TBCD: variants seen among roughly 807,000 people sequenced by gnomAD.
TBCD encodes the protein tubulin-specific chaperone D.
A neutral mutation model predicts 169.3 loss-of-function variants in TBCD; 105 were observed. That is an observed-to-expected ratio of 0.62 (90% confidence interval 0.53 to 0.73). The LOEUF is 0.73. Among genes scored for constraint, TBCD ranks in the 30% least tolerant of loss-of-function variants. The pLI is 0.00. For synonymous variants in TBCD, 700 were observed against 643.9 expected (o/e 1.09, Z -1.32); for missense variants, 1,444 against 1,600.1 (o/e 0.90, Z 1.66).
At chr17:82,753,743 G>C (rs1009117237) in intron 1 of TBCD, among the ~76,000 whole-genome samples, 1 of 151,660 alleles carries the variant, frequency 6.6e-6, no homozygotes, top group Admixed American at 6.6e-5. Flanking sequence ...GTGAGCCACT[G>C]CGCTCGGCCC....
Position 82,927,331 on chromosome 17 carries a change from C to T in TBCD, c.2609+8C>T, listed in dbSNP as rs773082692. ...AGGGGACGTGGGCACCTGGTACGTA[C>T]GTAGCAGTGGGTGAGCGCTTCTTCT... On this transcript the variant is annotated splice_region_variant and intron_variant, in intron 29 of 38. Transcript: ENST00000355528. 208 of 1,612,884 alleles carry T rather than the reference C, an allele frequency of 1.3e-4. No individual in the cohort carries two copies. The highest frequency in any genetic ancestry group is 6.8e-4 in the Middle Eastern group (4 of 5,924).
chr17:82,809,653 G>T, intron 11 of TBCD, 55 bp from the exon 12 acceptor site: 1 of 1,574,838 alleles, frequency 6.3e-7, no homozygotes, highest in Admixed American at 1.8e-5. Context: ...TGTCACGCAT[G>T]CCCTTGGCGA....
chr17:82,879,564 A>G (rs1413874409), intron 14 of TBCD, among the ~76,000 whole-genome samples: 2 of 152,130 alleles, frequency 1.3e-5, no homozygotes, highest in African/African-American at 4.8e-5. Context: ...GGATGCAGAC[A>G]AGTCTGCCGG....
intron 32 of TBCD, 91 bp downstream of exon 32, chr17:82,929,591 C>T (rs777565342): frequency 1.3e-6 from 2 of 1,529,650 alleles, no homozygotes; most frequent in African/African-American, 2.7e-5. Flanking sequence ...GGAGCTGGGC[C>T]TTTTCTTCCA....
intron 11 of TBCD, among the ~76,000 whole-genome samples, chr17:82,808,665 G>A (rs540253305): frequency 3.5e-5 from 5 of 144,682 alleles, no homozygotes; most frequent in African/African-American, 1.3e-4. Context: ...GGCAGGTGGA[G>A]GGGCTGGCAG....
intron 12 of TBCD, among the ~76,000 whole-genome samples, chr17:82,810,357 C>G (rs2051340582): frequency 6.6e-6 from 1 of 152,162 alleles, no homozygotes; most frequent in Admixed American, 6.5e-5. Context: ...GGGAGGATCA[C>G]TTGAGGCCAG....
chr17:82,921,697 G>T, intron 25 of TBCD, 120 bp downstream of exon 25: 1 of 847,574 alleles, frequency 1.2e-6, no homozygotes. Context: ...CCTGATAACT[G>T]ACAAATGGGG....
intron 11 of TBCD, among the ~76,000 whole-genome samples, chr17:82,809,293 C>T (rs1043288275): frequency 7.2e-5 from 11 of 152,208 alleles, no homozygotes; most frequent in East Asian, 1.9e-4. Context: ...CATGTGGGGC[C>T]GTGAGCCCAT....
chr17:82,922,714 C>T lies in TBCD; in HGVS notation c.2179-938C>T, dbSNP rs1002278593. On this transcript the variant is annotated intron_variant, in intron 25 of 38. Transcript: ENST00000355528. This position sits in a 1 kb window ranked among gnomAD's most constrained non-coding sequence, Gnocchi z 4.1. Reference sequence around the variant, plus strand: ...GGTGGTGACTCGTGGAATGCAGCACCCTGTAGACGACGCACCTCCTCTGCT... The same window carrying T: ...GGTGGTGACTCGTGGAATGCAGCACTCTGTAGACGACGCACCTCCTCTGCT... Among the ~76,000 whole-genome samples the T allele has an allele frequency of 5.3e-5, 8 of 152,328 alleles. No individual in the cohort carries two copies. Among genetic ancestry groups the T allele is most frequent in the Non-Finnish European group, 1.0e-4 (7 of 68,032 alleles).
chr17:82,905,040 G>A (rs535456341), intron 19 of TBCD, among the ~76,000 whole-genome samples: 4 of 152,296 alleles, frequency 2.6e-5, no homozygotes, highest in African/African-American at 4.8e-5. Context: ...GCTTAGGCTC[G>A]GGGAGCTTGG....
chr17:82,903,202 G>A lies in TBCD; in HGVS notation c.1731-203G>A, dbSNP rs75113451. ...GTCCCAAGAAGAACCGTGGTTAGCC[G>A]TGTGACCTCGCTGTTGTAGACTGTC... On this transcript the variant is annotated intron_variant, in intron 18 of 38. Coordinates refer to ENST00000355528, the MANE Select transcript of TBCD (RefSeq NM_005993.5). The surrounding 1 kb of genome is among the most constrained non-coding windows in gnomAD (Gnocchi z 4.8). 0.032 allele frequency among the ~76,000 whole-genome samples: 4,936 copies of A among 152,268 alleles called. 271 individuals carry two copies. Among genetic ancestry groups the A allele is most frequent in the African/African-American group, 0.11 (4,643 of 41,536 alleles).
intron 3 of TBCD, 103 bp downstream of exon 3, chr17:82,764,165 G>T (rs2047909950): frequency 2.2e-6 from 2 of 922,520 alleles, no homozygotes; most frequent in Non-Finnish European, 3.3e-6. Context: ...ATAGTTCTTA[G>T]ACACAAGTTG....
At chr17:82,935,874 A>G (rs2062579484) in intron 34 of TBCD, among the ~76,000 whole-genome samples, 1 of 152,160 alleles carries the variant, frequency 6.6e-6, no homozygotes, top group Non-Finnish European at 1.5e-5. Context: ...CCCTCTCCCT[A>G]GAGCACACTC....
chr17:82,812,023 C>T (rs972662467), intron 12 of TBCD, among the ~76,000 whole-genome samples: 4 of 152,158 alleles, frequency 2.6e-5, no homozygotes, highest in African/African-American at 9.7e-5. Flanking sequence ...GTGGCTGTCC[C>T]CCAAGCGTGC....
At position 82,874,528 on chromosome 17, in the gene TBCD, C is replaced by T. The variant is rs2057827751; in HGVS notation, c.1475+4148C>T. ...GCCTCAGCCTGGAGCTGGCGTTGTG[C>T]CCCTCGCCCCTTTACCTGTGCCATC... On this transcript the variant is annotated intron_variant, in intron 14 of 38. Transcript: ENST00000355528. This position sits in a 1 kb window ranked among gnomAD's most constrained non-coding sequence, Gnocchi z 5.0. Among the ~76,000 whole-genome samples the T allele has an allele frequency of 6.6e-6, 1 of 152,138 alleles. No homozygotes were observed. The highest frequency in any genetic ancestry group is 6.5e-5 in the Admixed American group (1 of 15,278).
intron 13 of TBCD, among the ~76,000 whole-genome samples, chr17:82,817,247 T>C (rs2051995783): frequency 6.6e-6 from 1 of 152,016 alleles, no homozygotes; most frequent in African/African-American, 2.4e-5. Context: ...ATTCCCACCT[T>C]AGCTTCCCAA....
chr17:82,790,077 G>T (rs2049595603), intron 7 of TBCD, among the ~76,000 whole-genome samples: 1 of 152,098 alleles, frequency 6.6e-6, no homozygotes, highest in Non-Finnish European at 1.5e-5. Context: ...TGTCCTGGGG[G>T]TCCTTGTCCC....
intron 13 of TBCD, among the ~76,000 whole-genome samples, chr17:82,867,877 C>T (rs549256677): frequency 4.9e-4 from 75 of 152,276 alleles, no homozygotes; most frequent in African/African-American, 1.8e-3. Flanking sequence ...TGCCTCCTGC[C>T]GGTGATGGTG....
chr17:82,830,692 G>A (rs139335282), intron 13 of TBCD: 1 of 1,614,156 alleles, frequency 6.2e-7, no homozygotes, highest in East Asian at 2.2e-5. Context: ...TGAGAAGCTG[G>A]CGGTTTCCGC....
Sources: gnomAD v4.1 joint callset for allele counts (sites outside exome capture counted in the v4.1 genomes callset) on GRCh38, gnomAD v4.1.1 for gene constraint, Gnocchi (gnomAD v3.1) non-coding constraint, MANE v1.5 for transcripts, NCBI Gene and HGNC (gene_info 2026-07-23, HGNC 2026-07-21) for gene names.